RGMB: variants seen among roughly 807,000 people sequenced by gnomAD.
RGMB encodes repulsive guidance molecule BMP co-receptor b, also known as repulsive guidance molecule B.
RGMB carries 16 observed loss-of-function variants against 26.9 expected under a neutral mutation model. That is an observed-to-expected ratio of 0.60 (90% CI 0.40 to 0.90). The LOEUF (loss-of-function observed/expected upper bound fraction) is 0.90. Among genes scored for constraint, RGMB ranks in the 40% least tolerant of loss-of-function variants. The pLI is 0.00. For synonymous variants in RGMB, 225 were observed against 229.3 expected, an observed-to-expected ratio of 0.98 and a Z score of 0.17; for missense variants, 512 against 573.3, an observed-to-expected ratio of 0.89 and a Z score of 1.09.
In RGMB at chr5:98,793,927, T is replaced by C. The variant is rs190051169; in HGVS notation, c.*174T>C. On this transcript the variant is annotated 3_prime_UTR_variant, in exon 3 of 3. Coordinates refer to ENST00000513185, the MANE Select transcript of RGMB (RefSeq NM_001366508.1). Reference sequence around the variant, plus strand: ...TACTGTGTTTGGCTGTTTTCACATATGTTGGATGTAGTGTTCTTTGATTGT... The same window carrying C: ...TACTGTGTTTGGCTGTTTTCACATACGTTGGATGTAGTGTTCTTTGATTGT... The C allele has an allele frequency of 2.0e-3, 1,129 of 559,636 alleles. 6 individuals are homozygous for C. The highest frequency in any genetic ancestry group is 0.02 in the African/African-American group (1,053 of 53,234). 34.7% of individuals were successfully genotyped at this position (559,636 alleles called of 1,614,324 possible).
upstream of RGMB, chr5:98,771,608 A>G (rs1746166361): frequency 6.6e-6 from 1 of 152,272 alleles, no homozygotes; most frequent in Non-Finnish European, 1.5e-5. Flanking sequence ...TGTTAGGCTT[A>G]TAAATCTCGA....
In RGMB at chr5:98,796,073, T is replaced by C. The variant is rs1290754398; in HGVS notation, c.*2320T>C. 6.6e-6 allele frequency: 1 copy of C among 152,196 alleles called. No homozygotes were observed. Among genetic ancestry groups the C allele is most frequent in the Non-Finnish European group, 1.5e-5 (1 of 68,024 alleles). 9.4% of individuals were successfully genotyped at this position (152,196 alleles called of 1,614,324 possible). ...AATCCCCACAGATTACTTTCAGAAA[T>C]AGATGTATTTCTCTACGTAAGGGCC... On this transcript the variant is annotated 3_prime_UTR_variant, in exon 3 of 3. Transcript: ENST00000513185.
At chr5:98,780,434 A>C (rs1420774726) in intron 2 of RGMB, 3 of 183,676 alleles carry the variant, frequency 1.6e-5, no homozygotes, top group Non-Finnish European at 3.3e-5. Context: ...GAAGAAATCC[A>C]TGTTCAGATT....
At chr5:98,771,814 T>A (rs1466122049), upstream of RGMB, 1 of 152,142 alleles carries the variant, frequency 6.6e-6, no homozygotes, top group Non-Finnish European at 1.5e-5. Context: ...TCATAGAAAG[T>A]CACGAGTGGA....
chr5:98,787,831 T>C (rs1488219558), intron 2 of RGMB, among the ~76,000 whole-genome samples: 1 of 152,270 alleles, frequency 6.6e-6, no homozygotes, highest in Admixed American at 6.5e-5. Context: ...TTTTTGTGCC[T>C]GTTCCTTTTA....
At chr5:98,778,478 G>A (rs1746484909) in intron 1 of RGMB, among the ~76,000 whole-genome samples, 2 of 152,104 alleles carry the variant, frequency 1.3e-5, no homozygotes, top group South Asian at 4.1e-4. Context: ...AAGAGATTAA[G>A]AGACGTCTCC....
At position 98,794,290 on chromosome 5, in the gene RGMB, C is replaced by CT. The variant is rs1245885727; in HGVS notation, c.*539dup. 1 of 152,274 alleles carries CT rather than the reference C, an allele frequency of 6.6e-6. No individual in the cohort carries two copies. The highest frequency in any genetic ancestry group is 2.4e-5 in the African/African-American group (1 of 41,430). The allele number at this position is 152,274 out of a possible 1,614,324, so 9.4% of individuals were successfully genotyped here. A position where few individuals can be genotyped will look rare whatever the true frequency, so the allele number is the denominator to read the frequency against. ...GATTTGAAAGGGTCGTTAACTCTCC[C>CT]TTACAGGTGCTTTGACTCTTAAACG... On this transcript the variant is annotated 3_prime_UTR_variant, in exon 3 of 3. Coordinates refer to ENST00000513185, the MANE Select transcript of RGMB (RefSeq NM_001366508.1).
Position 98,793,906 on chromosome 5 carries a change from G to T in RGMB, c.*153G>T. On this transcript the variant is annotated 3_prime_UTR_variant, in exon 3 of 3. Coordinates refer to ENST00000513185, the MANE Select transcript of RGMB (RefSeq NM_001366508.1). ...GGACACCCACCAGATTGTACATACT[G>T]TGTTTGGCTGTTTTCACATATGTTG... is the stretch of plus-strand genomic sequence containing the variant. 1.6e-6 allele frequency: 1 copy of T among 608,338 alleles called. No homozygotes were observed. Among genetic ancestry groups the T allele is most frequent in the Non-Finnish European group, 2.8e-6 (1 of 362,410 alleles). The allele number at this position is 608,338 out of a possible 1,614,324, so 37.7% of individuals were successfully genotyped here. A position where few individuals can be genotyped will look rare whatever the true frequency, so the allele number is the denominator to read the frequency against.
Position 98,774,223 on chromosome 5 carries a change from C to A in RGMB, c.136+17C>A. On this transcript the variant is annotated intron_variant, in intron 1 of 2. Coordinates refer to ENST00000513185, the MANE Select transcript of RGMB (RefSeq NM_001366508.1). ...TCCACGCAGGTAGGACGGGAGCGCG[C>A]GAGGGGAGCCAGCCCCGGGGCCTAG... The A allele has an allele frequency of 7.1e-7, 1 of 1,404,898 alleles. No individual in the cohort carries two copies. Among genetic ancestry groups the A allele is most frequent in the South Asian group, 1.5e-5 (1 of 66,148 alleles). 87.0% of individuals were successfully genotyped at this position (1,404,898 alleles called of 1,614,324 possible). A position where few individuals can be genotyped will look rare whatever the true frequency, so the allele number is the denominator to read the frequency against.
upstream of RGMB, among the ~76,000 whole-genome samples, chr5:98,772,458 G>A (rs1034439904): frequency 1.3e-5 from 2 of 152,190 alleles, no homozygotes; most frequent in Non-Finnish European, 2.9e-5. Context: ...CCTAATTAGA[G>A]ATTCTGAGTA....
upstream of RGMB, chr5:98,770,457 T>A (rs1163932659): frequency 7.1e-6 from 3 of 422,624 alleles, no homozygotes; most frequent in Non-Finnish European, 1.3e-5. Flanking sequence ...TTTTGAGCGG[T>A]GAGAGCAGCG....
At chr5:98,776,660 A>G (rs900989459) in intron 1 of RGMB, among the ~76,000 whole-genome samples, 7 of 152,236 alleles carry the variant, frequency 4.6e-5, no homozygotes, top group African/African-American at 1.2e-4. Flanking sequence ...CGCACTTTCT[A>G]TTTAGCCCTC....
intron 2 of RGMB, 67 bp downstream of exon 2, chr5:98,780,155 C>A: frequency 6.8e-7 from 1 of 1,466,452 alleles, no homozygotes; most frequent in Non-Finnish European, 9.2e-7. Flanking sequence ...CTTCAGATAA[C>A]TTTTGAAATG....
At chr5:98,776,407 T>G (rs536130271) in intron 1 of RGMB, among the ~76,000 whole-genome samples, 10 of 152,220 alleles carry the variant, frequency 6.6e-5, no homozygotes, top group Non-Finnish European at 1.5e-4. Context: ...AATTCCTGAA[T>G]AGAGATCCAA....
At position 98,773,983 on chromosome 5, in the gene RGMB, CG is replaced by C; in HGVS notation, c.-86del. ...AGAAGAGGAAGCGAAGCGCGCCCCC[CG>C]GCCCATGCCGCAGCCACGGGCCCAG... On this transcript the variant is annotated 5_prime_UTR_variant, in exon 1 of 3. Coordinates refer to ENST00000513185, the MANE Select transcript of RGMB (RefSeq NM_001366508.1). 1.6e-6 allele frequency: 1 copy of C among 629,622 alleles called. No homozygotes were observed. Among genetic ancestry groups the C allele is most frequent in the Admixed American group, 2.7e-5 (1 of 36,906 alleles). 39.0% of individuals were successfully genotyped at this position (629,622 alleles called of 1,614,324 possible).
At chr5:98,776,654 C>T (rs1746412363) in intron 1 of RGMB, among the ~76,000 whole-genome samples, 1 of 152,236 alleles carries the variant, frequency 6.6e-6, no homozygotes, top group Non-Finnish European at 1.5e-5. Flanking sequence ...CCCAATCGCA[C>T]TTTCTATTTA....
intron 2 of RGMB, among the ~76,000 whole-genome samples, chr5:98,782,584 G>T (rs73151463): frequency 2.1e-3 from 318 of 152,318 alleles, no homozygotes; most frequent in African/African-American, 7.1e-3. Context: ...GATCATCCTT[G>T]TGTGGTCAAG....
chr5:98,770,651 G>GGAGC (rs781518032), upstream of RGMB: 5 of 1,455,340 alleles, frequency 3.4e-6, no homozygotes, highest in Non-Finnish European at 4.6e-6. Context: ...GCCCCCTCCA[G>GGAGC]GAGCGAAAGG....
At position 98,779,895 on chromosome 5, in the gene RGMB, G is replaced by A. The variant is rs529665913; in HGVS notation, c.452G>A (p.Arg151Lys). ...YHSHAGAREH[R>K]RGDQNPPSYL... is the part of the protein sequence containing the mutation. Reference sequence around the variant, plus strand: ...AGCCACGCTGGAGCCAGGGAACACAGGAGAGGGGACCAGAACCCTCCCAGT... The same window carrying A: ...AGCCACGCTGGAGCCAGGGAACACAAGAGAGGGGACCAGAACCCTCCCAGT... The change falls in exon 2 of 3, where the codon AGG becomes AAG. Residue 151 changes from arginine (R) to lysine (K), a missense_variant. Arg to Lys is a conservative substitution (Grantham distance 26). Coordinates refer to ENST00000513185, the MANE Select transcript of RGMB (RefSeq NM_001366508.1). The A allele has an allele frequency of 2.0e-4, 317 of 1,613,996 alleles. 4 individuals are homozygous for A. The South Asian group carries it at 3.3e-3, about 17-fold the overall frequency.
Sources: gnomAD v4.1 joint callset for allele counts (sites outside exome capture counted in the v4.1 genomes callset) on GRCh38, gnomAD v4.1.1 for gene constraint, MANE v1.5 for transcripts, NCBI Gene and HGNC (gene_info 2026-07-23, HGNC 2026-07-21) for gene names.